KCNG3: variants seen among roughly 807,000 people sequenced by gnomAD.
KCNG3 encodes potassium voltage-gated channel modifier subfamily G member 3.
In KCNG3, 15 loss-of-function variants were observed where a neutral mutation model predicts 29.0. The ratio of observed to expected loss-of-function variants is 0.52; its 90% CI spans 0.35 to 0.80. The LOEUF is 0.80. Ranked by LOEUF, KCNG3 falls within the 30% of genes least tolerant of loss-of-function variation. KCNG3 has a pLI of 0.01. For synonymous variants in KCNG3, 322 were observed against 248.9 expected, an observed-to-expected ratio of 1.29 and a Z score of -2.76; for missense variants, 512 against 605.7, an observed-to-expected ratio of 0.85 and a Z score of 1.62.
rs975878407 is a variant in KCNG3, at chr2:42,451,733, T to A, written c.666-7154A>T. Among the ~76,000 whole-genome samples, 7 of 151,304 alleles carry A rather than the reference T, an allele frequency of 4.6e-5. No homozygotes were observed. In the East Asian group the frequency reaches 1.2e-3, roughly 25 times the overall value. On this transcript the variant is annotated intron_variant, in intron 1 of 1. Transcript: ENST00000306078. ...AGAGCAAGACTTTGTCTCAAAAAAA[T>A]TAATTAATTAATTAAAATTAGCAGG...
intron 1 of KCNG3, among the ~76,000 whole-genome samples, chr2:42,488,829 C>T (rs1673799160): frequency 6.6e-6 from 1 of 151,880 alleles, no homozygotes; most frequent in Non-Finnish European, 1.5e-5. Flanking sequence ...GAATTACAGG[C>T]GTGAGCCACC....
downstream of KCNG3, among the ~76,000 whole-genome samples, chr2:42,438,118 C>T (rs889770565): frequency 7.9e-5 from 12 of 152,010 alleles, no homozygotes; most frequent in African/African-American, 2.9e-4. Flanking sequence ...GTTATAAGAT[C>T]GAGGTTGTAA....
the KCNG3 span, among the ~76,000 whole-genome samples, chr2:42,428,402 G>A: frequency 3.4e-5 from 5 of 148,784 alleles, no homozygotes; most frequent in African/African-American, 7.4e-5. Context: ...CAGAGGTTGC[G>A]GTGAGCCAAG....
At chr2:42,414,350 CA>C in the KCNG3 span, among the ~76,000 whole-genome samples, 1 of 152,122 alleles carries the variant, frequency 6.6e-6, no homozygotes, top group African/African-American at 2.4e-5. Context: ...ATTCAAAGTT[CA>C]AATTATTTTC....
At chr2:42,412,265 C>T in the KCNG3 span, among the ~76,000 whole-genome samples, 1 of 152,220 alleles carries the variant, frequency 6.6e-6, no homozygotes, top group Non-Finnish European at 1.5e-5. Context: ...TTAATACATA[C>T]TAGCTGCCAG....
At chr2:42,412,344 C>T in the KCNG3 span, among the ~76,000 whole-genome samples, 2 of 152,172 alleles carry the variant, frequency 1.3e-5, no homozygotes, top group Admixed American at 6.5e-5. Flanking sequence ...CAGCTAATTC[C>T]CCATCTTCTT....
chr2:42,489,386 C>CTCAA (rs906768918), intron 1 of KCNG3, among the ~76,000 whole-genome samples: 5 of 152,066 alleles, frequency 3.3e-5, no homozygotes, highest in Non-Finnish European at 7.3e-5. Flanking sequence ...GAGATCTCTT[C>CTCAA]TCAATCAATC....
intron 1 of KCNG3, among the ~76,000 whole-genome samples, chr2:42,476,499 A>AT (rs202109255): frequency 1.4e-5 from 2 of 141,230 alleles, no homozygotes; most frequent in East Asian, 4.1e-4. Context: ...AAAAAAAAAA[A>AT]TTTTTGAGAC....
chr2:42,459,379 G>A (rs766583135), intron 1 of KCNG3, among the ~76,000 whole-genome samples: 5 of 152,114 alleles, frequency 3.3e-5, no homozygotes, highest in Non-Finnish European at 7.3e-5. Flanking sequence ...ATTTATCCCA[G>A]AGTCCTTTCT....
chr2:42,448,764 C>T (rs1363834666), intron 1 of KCNG3, among the ~76,000 whole-genome samples: 3 of 152,096 alleles, frequency 2.0e-5, no homozygotes, highest in Non-Finnish European at 2.9e-5. Context: ...CCGAAGCGGG[C>T]GGATCATGAG....
chr2:42,434,743 A>G, the KCNG3 span, among the ~76,000 whole-genome samples: 1 of 151,280 alleles, frequency 6.6e-6, no homozygotes, highest in African/African-American at 2.4e-5. Flanking sequence ...CAAAGATACA[A>G]TCTTTTGTTC....
the KCNG3 span, among the ~76,000 whole-genome samples, chr2:42,414,391 G>GT: frequency 6.6e-6 from 1 of 151,936 alleles, no homozygotes; most frequent in South Asian, 2.1e-4. Flanking sequence ...TTATTTCATT[G>GT]TTTTTTTGGC....
chr2:42,400,309 G>A, the KCNG3 span, among the ~76,000 whole-genome samples: 20 of 152,270 alleles, frequency 1.3e-4, no homozygotes, highest in East Asian at 3.5e-3. Context: ...AGGTCCCTAG[G>A]AAGAGAATTT....
At chr2:42,476,166 T>C (rs1370226681) in intron 1 of KCNG3, among the ~76,000 whole-genome samples, 1 of 152,098 alleles carries the variant, frequency 6.6e-6, no homozygotes, top group Non-Finnish European at 1.5e-5. Context: ...CATGTCTCTT[T>C]ATCTGTTACA....
chr2:42,422,117 GACAGTATCAAAC>G, the KCNG3 span, among the ~76,000 whole-genome samples: 2 of 152,234 alleles, frequency 1.3e-5, no homozygotes, highest in African/African-American at 4.8e-5. Context: ...TGGTAAAACC[GACAGTATCAAAC>G]ATTACCAATT....
At chr2:42,422,371 A>T in the KCNG3 span, among the ~76,000 whole-genome samples, 4 of 152,104 alleles carry the variant, frequency 2.6e-5, no homozygotes, top group Admixed American at 2.0e-4. Context: ...TACAGCTAGA[A>T]GGCCCTCACC....
At chr2:42,429,552 C>T in the KCNG3 span, among the ~76,000 whole-genome samples, 1 of 152,210 alleles carries the variant, frequency 6.6e-6, no homozygotes, top group Non-Finnish European at 1.5e-5. Context: ...CATGTCGAAT[C>T]AGCAAAATGT....
At chr2:42,446,106 GA>G (rs1672590871) in intron 1 of KCNG3, among the ~76,000 whole-genome samples, 1 of 152,022 alleles carries the variant, frequency 6.6e-6, no homozygotes, top group South Asian at 2.1e-4. Context: ...CCAAAGCTGA[GA>G]AAATCAAATT....
chr2:42,412,888 ATTTTT>A, the KCNG3 span, among the ~76,000 whole-genome samples: 1 of 151,562 alleles, frequency 6.6e-6, no homozygotes, highest in Non-Finnish European at 1.5e-5. Context: ...CCATTCCTTT[ATTTTT>A]AATTACTACG....
Sources: allele counts gnomAD v4.1 joint callset (sites outside exome capture counted in the v4.1 genomes callset), GRCh38; gene constraint gnomAD v4.1.1; transcripts MANE v1.5; gene names NCBI Gene and HGNC (gene_info 2026-07-23, HGNC 2026-07-21).